The following SERPINA6 variants were observed in gnomAD, a reference collection of about 807,000 sequenced individuals.
SERPINA6 encodes the protein corticosteroid-binding globulin.
A neutral mutation model predicts 26.4 loss-of-function variants in SERPINA6; 19 were observed. The observed-to-expected ratio is 0.72, with a 90% CI of 0.50 to 1.06. SERPINA6 has a LOEUF of 1.06. Among genes scored for constraint, SERPINA6 ranks in the 50% least tolerant of loss-of-function variants. The pLI is 0.00. For synonymous variants in SERPINA6, 196 were observed against 199.4 expected, an observed-to-expected ratio of 0.98 and a Z score of 0.14; for missense variants, 473 against 504.0, an observed-to-expected ratio of 0.94 and a Z score of 0.59.
intron 4 of SERPINA6, among the ~76,000 whole-genome samples, chr14:94,305,206 A>T (rs1895419951): frequency 6.6e-6 from 1 of 151,812 alleles, no homozygotes; most frequent in Admixed American, 6.6e-5. Flanking sequence ...ACTTCCAGCG[A>T]CTCTTTCCAG....
intron 1 of SERPINA6, among the ~76,000 whole-genome samples, chr14:94,322,259 A>G (rs1895694257): frequency 6.6e-6 from 1 of 152,214 alleles, no homozygotes; most frequent in Admixed American, 6.5e-5. Flanking sequence ...CTGTAATCCC[A>G]GCACTTTTGG....
intron 1 of SERPINA6, among the ~76,000 whole-genome samples, chr14:94,322,845 G>A (rs1051600453): frequency 6.6e-6 from 1 of 152,146 alleles, no homozygotes; most frequent in Non-Finnish European, 1.5e-5. Flanking sequence ...TGGGCCAGCT[G>A]AGCCCTCCCA....
intron 2 of SERPINA6, among the ~76,000 whole-genome samples, chr14:94,312,592 C>A (rs1895547634): frequency 6.6e-6 from 1 of 152,324 alleles, no homozygotes; most frequent in South Asian, 2.1e-4. Context: ...TCCCAGCCTC[C>A]CTGGCCCTCC....
intron 2 of SERPINA6, among the ~76,000 whole-genome samples, chr14:94,311,989 G>A (rs1046045934): frequency 1.3e-5 from 2 of 151,714 alleles, no homozygotes; most frequent in Admixed American, 6.6e-5. Context: ...AACACATCAG[G>A]GCCATTTTAC....
chr14:94,307,114 G>A (rs895470824), intron 3 of SERPINA6, among the ~76,000 whole-genome samples: 2 of 152,250 alleles, frequency 1.3e-5, no homozygotes, highest in Admixed American at 1.3e-4. Context: ...GAGGCGAGTC[G>A]GTGTGTACCT....
intron 1 of SERPINA6, among the ~76,000 whole-genome samples, chr14:94,315,326 C>T (rs1213777626): frequency 6.6e-6 from 1 of 152,106 alleles, no homozygotes; most frequent in Admixed American, 6.5e-5. Flanking sequence ...CTTTTGTATG[C>T]TATTGAAGTA....
Position 94,320,236 on chromosome 14 carries a change from TG to T in SERPINA6, c.-20+3030del, listed in dbSNP as rs1391738822. Among the ~76,000 whole-genome samples the T allele has an allele frequency of 2.6e-5, 4 of 152,196 alleles. No individual in the cohort carries two copies. The East Asian group carries it at 7.7e-4, about 29-fold the overall frequency. On this transcript the variant is annotated intron_variant, in intron 1 of 4. Coordinates refer to ENST00000341584, the MANE Select transcript of SERPINA6 (RefSeq NM_001756.4). Reference sequence around the variant, plus strand: ...TTTAAACCAGTGCTCCAGGAGGTTGTGTTGTGTTAAATTAAATTAAAGATGG... The same window carrying T: ...TTTAAACCAGTGCTCCAGGAGGTTGTTTGTGTTAAATTAAATTAAAGATGG...
Position 94,304,304 on chromosome 14 carries a change from G to T in SERPINA6, c.*114C>A. Reference sequence around the variant, plus strand: ...CCTAAAGTTAGACACAACTCTGGTTGGAGGGAGAAGAACTTGGAGGAGATT... The same window carrying T: ...CCTAAAGTTAGACACAACTCTGGTTTGAGGGAGAAGAACTTGGAGGAGATT... On this transcript the variant is annotated 3_prime_UTR_variant, in exon 5 of 5. Transcript: ENST00000341584. 9.9e-7 allele frequency: 1 copy of T among 1,012,756 alleles called. No homozygotes were observed. The highest frequency in any genetic ancestry group is 1.6e-6 in the Non-Finnish European group (1 of 634,736). 62.7% of individuals were successfully genotyped at this position (1,012,756 alleles called of 1,614,324 possible). A position where few individuals can be genotyped will look rare whatever the true frequency, so the allele number is the denominator to read the frequency against.
intron 1 of SERPINA6, among the ~76,000 whole-genome samples, chr14:94,317,186 T>C (rs540622027): frequency 6.6e-6 from 1 of 152,212 alleles, no homozygotes; most frequent in African/African-American, 2.4e-5. Context: ...CCATACCCAA[T>C]TTGGATTTAT....
chr14:94,310,859 C>T (rs569675684), intron 2 of SERPINA6, among the ~76,000 whole-genome samples: 1 of 152,302 alleles, frequency 6.6e-6, no homozygotes, highest in South Asian at 2.1e-4. Context: ...GACTGAGGCC[C>T]TTGAGTCCAG....
intron 1 of SERPINA6, 152 bp from the exon 2 acceptor site, chr14:94,314,819 G>T (rs1895590545): frequency 2.8e-6 from 2 of 702,702 alleles, no homozygotes; most frequent in African/African-American, 1.8e-5. Flanking sequence ...GAGGGCGCTG[G>T]ACTTCAGTTT....
chr14:94,315,858 C>CT (rs1459581058), intron 1 of SERPINA6, among the ~76,000 whole-genome samples: 5 of 152,074 alleles, frequency 3.3e-5, no homozygotes, highest in Non-Finnish European at 7.4e-5. Context: ...TACTGAAATG[C>CT]TTTTTTGTAT....
chr14:94,310,118 C>T (rs1277213945), intron 2 of SERPINA6, 112 bp from the exon 3 acceptor site: 2 of 1,073,850 alleles, frequency 1.9e-6, no homozygotes, highest in African/African-American at 1.6e-5. Context: ...CTTGGAATGT[C>T]CCCATTCAAG....
chr14:94,310,560 T>A (rs954994064), intron 2 of SERPINA6, among the ~76,000 whole-genome samples: 1 of 152,058 alleles, frequency 6.6e-6, no homozygotes, highest in African/African-American at 2.4e-5. Context: ...GGCCCTCAAG[T>A]CCCATCTACC....
At chr14:94,307,336 C>T (rs1244833118) in intron 3 of SERPINA6, among the ~76,000 whole-genome samples, 1 of 152,114 alleles carries the variant, frequency 6.6e-6, no homozygotes, top group Non-Finnish European at 1.5e-5. Context: ...GAGGAATTCC[C>T]CCAAAGTCAC....
chr14:94,323,092 G>A (rs1048731153), intron 1 of SERPINA6, among the ~76,000 whole-genome samples, 175 bp downstream of exon 1: 2 of 152,198 alleles, frequency 1.3e-5, no homozygotes, highest in Non-Finnish European at 2.9e-5. Context: ...CACAGACTCC[G>A]GGGTCTGGAA....
chr14:94,310,650 G>A (rs920368509), intron 2 of SERPINA6, among the ~76,000 whole-genome samples: 8 of 152,138 alleles, frequency 5.3e-5, no homozygotes, highest in Non-Finnish European at 7.4e-5. Context: ...GGGACTTGGC[G>A]GTACTCGTCA....
intron 3 of SERPINA6, among the ~76,000 whole-genome samples, chr14:94,307,585 G>A (rs976755250): frequency 2.0e-5 from 3 of 152,214 alleles, no homozygotes; most frequent in African/African-American, 7.2e-5. Context: ...TTGCATCATG[G>A]TGCGTTATCA....
rs1301766188 is a variant in SERPINA6 at position 94,314,562 on chromosome 14, A to T, written c.87T>A (p.Tyr29Ter). Residue 29 changes from tyrosine to a stop codon, truncating the protein, a stop_gained, in exon 2 of 5, where the codon TAT becomes TAA. Coordinates refer to ENST00000341584, the MANE Select transcript of SERPINA6 (RefSeq NM_001756.4). LOFTEE classifies it high-confidence loss of function. ...TVQAMDPNAA[Y>*]VNMSNHHRGL... ...CCCGGTGATGGTTACTCATGTTCACATAAGCAGCGTTAGGATCCATGGCCT... is the reference window on the plus strand; with the variant it reads ...CCCGGTGATGGTTACTCATGTTCACTTAAGCAGCGTTAGGATCCATGGCCT... 6 of 1,614,114 alleles carry T rather than the reference A, an allele frequency of 3.7e-6. No homozygotes were observed. The highest frequency in any genetic ancestry group is 5.1e-6 in the Non-Finnish European group (6 of 1,180,048).
Sources: allele counts gnomAD v4.1 joint callset (sites outside exome capture counted in the v4.1 genomes callset), GRCh38; gene constraint gnomAD v4.1.1; transcripts MANE v1.5; gene names NCBI Gene and HGNC (gene_info 2026-07-23, HGNC 2026-07-21).